PCDHAC1: variants seen among roughly 807,000 people sequenced by gnomAD.
The protein encoded by PCDHAC1 is protocadherin alpha subfamily C, 1.
PCDHAC1 carries 42 observed loss-of-function variants against 60.0 expected under a neutral mutation model. That is an observed-to-expected ratio of 0.70 (90% CI 0.55 to 0.90). PCDHAC1 has a LOEUF of 0.90. Ranked by LOEUF, PCDHAC1 falls within the 40% of genes least tolerant of loss-of-function variation. The pLI, the probability that PCDHAC1 is intolerant of heterozygous loss-of-function variation, is 0.00. For missense variants in PCDHAC1, 1,160 were observed against 1,222.3 expected (o/e 0.95, Z 0.76); for synonymous variants, 468 against 499.3 (o/e 0.94, Z 0.84).
chr5:140,992,789 T>G (rs2097528439), intron 3 of PCDHAC1, among the ~76,000 whole-genome samples: 1 of 152,148 alleles, frequency 6.6e-6, no homozygotes, highest in Admixed American at 6.5e-5. Flanking sequence ...AGGGTCAATT[T>G]TATGGATCCA....
intron 1 of PCDHAC1, chr5:140,966,584 G>C (rs1227691524): frequency 7.4e-6 from 4 of 541,586 alleles, no homozygotes; most frequent in African/African-American, 6.0e-5. Context: ...CAGCGAGGAC[G>C]GTGGGGCCAG....
At chr5:140,971,843 G>A (rs1250084892) in intron 1 of PCDHAC1, among the ~76,000 whole-genome samples, 2 of 151,906 alleles carry the variant, frequency 1.3e-5, no homozygotes, top group African/African-American at 4.8e-5. Flanking sequence ...TGCAAGTCAT[G>A]CGTTAAATAT....
chr5:140,965,029 A>G (rs1252337885), intron 1 of PCDHAC1, among the ~76,000 whole-genome samples: 2 of 152,178 alleles, frequency 1.3e-5, no homozygotes, highest in Non-Finnish European at 2.9e-5. Context: ...GGCTCCTTTA[A>G]CTGTCCGCTC....
intron 1 of PCDHAC1, among the ~76,000 whole-genome samples, chr5:140,938,314 T>C (rs1026606524): frequency 2.0e-5 from 3 of 152,220 alleles, no homozygotes; most frequent in Non-Finnish European, 2.9e-5. Flanking sequence ...AGTATAAAAT[T>C]GAATAGAAGT....
intron 1 of PCDHAC1, among the ~76,000 whole-genome samples, chr5:140,955,283 A>G (rs1255959484): frequency 6.6e-6 from 1 of 151,774 alleles, no homozygotes; most frequent in African/African-American, 2.4e-5. Context: ...CCATATTGAT[A>G]TGGTTTGGCT....
chr5:140,989,240 C>T (rs1180879985), intron 3 of PCDHAC1, among the ~76,000 whole-genome samples: 1 of 152,152 alleles, frequency 6.6e-6, no homozygotes, highest in Non-Finnish European at 1.5e-5. Flanking sequence ...AAGTTTTAAG[C>T]CCCTTGTCAA....
chr5:140,955,216 C>T (rs2095153192), intron 1 of PCDHAC1, among the ~76,000 whole-genome samples: 2 of 152,122 alleles, frequency 1.3e-5, no homozygotes, highest in East Asian at 3.9e-4. Flanking sequence ...AGCATGATGC[C>T]TCCAGCTTTG....
intron 3 of PCDHAC1, among the ~76,000 whole-genome samples, chr5:141,006,902 A>T (rs1563704110): frequency 6.6e-6 from 1 of 152,218 alleles, no homozygotes; most frequent in Non-Finnish European, 1.5e-5. Context: ...AGATTTCTTC[A>T]GTTTGGGATG....
intron 2 of PCDHAC1, among the ~76,000 whole-genome samples, chr5:140,980,886 C>T (rs2096909899): frequency 6.6e-6 from 1 of 152,062 alleles, no homozygotes; most frequent in South Asian, 2.1e-4. Context: ...TCGGTCTTTC[C>T]AGTCTTGGAC....
intron 1 of PCDHAC1, among the ~76,000 whole-genome samples, chr5:140,946,711 T>C (rs1165441185): frequency 1.3e-5 from 2 of 150,618 alleles, no homozygotes; most frequent in African/African-American, 2.5e-5. Context: ...GAGGTCATTA[T>C]GTTTAGTTAA....
At chr5:140,959,956 G>A (rs78198535) in intron 1 of PCDHAC1, among the ~76,000 whole-genome samples, 3,568 of 152,304 alleles carry the variant, frequency 0.023, 49 homozygotes, top group Middle Eastern at 0.034. Flanking sequence ...TCATAGGTAG[G>A]AGGTAGATGT....
At chr5:140,968,332 C>T (rs2096240603) in intron 1 of PCDHAC1, 2 of 1,614,158 alleles carry the variant, frequency 1.2e-6, no homozygotes, top group Non-Finnish European at 1.7e-6. Flanking sequence ...CCTCCTATGT[C>T]TCCATTAACA....
At chr5:140,967,206 G>A in intron 1 of PCDHAC1, 2 of 1,613,644 alleles carry the variant, frequency 1.2e-6, no homozygotes, top group South Asian at 2.2e-5. Flanking sequence ...AACTCACCGC[G>A]TTTCCCGCGG....
chr5:140,957,597 A>G (rs1036559943), intron 1 of PCDHAC1, among the ~76,000 whole-genome samples: 4 of 152,168 alleles, frequency 2.6e-5, no homozygotes, highest in Non-Finnish European at 5.9e-5. Context: ...ACTTCCCAGA[A>G]TAAACACACA....
chr5:141,004,144 A>C (rs1451902723), intron 3 of PCDHAC1, among the ~76,000 whole-genome samples: 3 of 152,250 alleles, frequency 2.0e-5, no homozygotes, highest in Non-Finnish European at 2.9e-5. Context: ...CCCCAAAGGC[A>C]TGACATTTTA....
At chr5:140,967,046 C>G in intron 1 of PCDHAC1, 1 of 1,612,334 alleles carries the variant, frequency 6.2e-7, no homozygotes, top group Non-Finnish European at 8.5e-7. Context: ...GGAGCTGGAC[C>G]TGACGAGTGG....
intron 3 of PCDHAC1, among the ~76,000 whole-genome samples, chr5:140,986,619 C>T (rs1212565136): frequency 6.6e-6 from 1 of 152,134 alleles, no homozygotes; most frequent in Non-Finnish European, 1.5e-5. Flanking sequence ...CAGGCCTTAC[C>T]TAAGGCAACA....
At chr5:140,974,721 G>T (rs1033117636) in intron 1 of PCDHAC1, among the ~76,000 whole-genome samples, 1 of 152,050 alleles carries the variant, frequency 6.6e-6, no homozygotes, top group Non-Finnish European at 1.5e-5. Context: ...AGCTGCTCTC[G>T]AACTCCTGTC....
chr5:140,997,077 G>T (rs1201538953), intron 3 of PCDHAC1, among the ~76,000 whole-genome samples: 3 of 152,062 alleles, frequency 2.0e-5, no homozygotes, highest in Admixed American at 2.0e-4. Flanking sequence ...CAGGAAAGTT[G>T]AGTAGAAAGT....
Sources: allele counts gnomAD v4.1 joint callset (sites outside exome capture counted in the v4.1 genomes callset), GRCh38; gene constraint gnomAD v4.1.1; transcripts MANE v1.5; gene names NCBI Gene and HGNC (gene_info 2026-07-23, HGNC 2026-07-21).